The following THSD7B variants were observed in gnomAD, a reference collection of about 807,000 sequenced individuals.
THSD7B encodes the protein thrombospondin type-1 domain-containing protein 7B.
Under a neutral mutation model 213.6 loss-of-function variants are expected in THSD7B, and 138 were observed. The ratio of observed to expected loss-of-function variants is 0.65; its 90% CI spans 0.56 to 0.74. The LOEUF is 0.74. Among genes scored for constraint, THSD7B ranks in the 30% least tolerant of loss-of-function variants. The pLI, the probability that THSD7B is intolerant of heterozygous loss-of-function variation, is 0.00. For missense variants in THSD7B, 1,931 were observed against 1,991.5 expected, an observed-to-expected ratio of 0.97 and a Z score of 0.58; for synonymous variants, 742 against 687.0, an observed-to-expected ratio of 1.08 and a Z score of -1.25.
chr2:137,552,909 A>G (rs906709249), intron 15 of THSD7B, among the ~76,000 whole-genome samples: 7 of 152,122 alleles, frequency 4.6e-5, no homozygotes, highest in Middle Eastern at 3.2e-3. Flanking sequence ...GAAAAGAGAG[A>G]AAGCCTGGAC....
rs577211849 is a variant in THSD7B, at chr2:137,445,685, A to G, written c.2960-5160A>G. ...AATACAGTTAGATAGAAAGAATAAGATCTAGCATTCAATAGCACAATAGGG... is the reference window on the plus strand; with the variant it reads ...AATACAGTTAGATAGAAAGAATAAGGTCTAGCATTCAATAGCACAATAGGG... On this transcript the variant is annotated intron_variant, in intron 14 of 27. Transcript: ENST00000409968. Among the ~76,000 whole-genome samples, 166 of 152,004 alleles carry G rather than the reference A, an allele frequency of 1.1e-3. 4 individuals are homozygous for G. In the South Asian group the frequency reaches 0.028, roughly 26 times the overall value.
intron 21 of THSD7B, among the ~76,000 whole-genome samples, chr2:137,651,159 A>G (rs1683130206): frequency 6.6e-6 from 1 of 152,068 alleles, no homozygotes; most frequent in Non-Finnish European, 1.5e-5. Context: ...TATTAGTTCT[A>G]TGTTAAATGT....
rs564570247 is a variant in THSD7B, at chr2:136,837,291, A to G, written c.-35-44853A>G. 5.3e-5 allele frequency among the ~76,000 whole-genome samples: 8 copies of G among 151,962 alleles called. No individual in the cohort carries two copies. The South Asian group carries it at 1.7e-3, about 32-fold the overall frequency. ...GGCCATTGCCTGTGGCTCTTTATTTATTTTCTACCACTCTCCTTCTGCACT... is the reference window on the plus strand; with the variant it reads ...GGCCATTGCCTGTGGCTCTTTATTTGTTTTCTACCACTCTCCTTCTGCACT... On this transcript the variant is annotated intron_variant, in intron 1 of 27. Transcript: ENST00000409968.
chr2:136,990,089 A>G (rs1397415870), intron 2 of THSD7B, among the ~76,000 whole-genome samples: 1 of 152,234 alleles, frequency 6.6e-6, no homozygotes, highest in Non-Finnish European at 1.5e-5. Context: ...TTCTTAGAGA[A>G]AATATAATGC....
intron 2 of THSD7B, among the ~76,000 whole-genome samples, chr2:136,897,352 T>A (rs1477409825): frequency 6.6e-6 from 1 of 152,078 alleles, no homozygotes; most frequent in Admixed American, 6.6e-5. Context: ...TTCTTCCTTC[T>A]GGTGGGCTCG....
intron 2 of THSD7B, among the ~76,000 whole-genome samples, chr2:136,900,901 T>C (rs1684052039): frequency 6.6e-6 from 1 of 152,184 alleles, no homozygotes; most frequent in Admixed American, 6.5e-5. Context: ...TAGGTGAGTA[T>C]ATGTTTTTAG....
chr2:136,928,111 A>G (rs986520014), intron 2 of THSD7B, among the ~76,000 whole-genome samples: 8 of 152,190 alleles, frequency 5.3e-5, no homozygotes, highest in Admixed American at 2.0e-4. Flanking sequence ...TGAAAATATC[A>G]TAAGTAGAAA....
intron 17 of THSD7B, among the ~76,000 whole-genome samples, chr2:137,590,574 A>C (rs547235913): frequency 6.6e-6 from 1 of 152,198 alleles, no homozygotes; most frequent in South Asian, 2.1e-4. Flanking sequence ...AAAGTCTTTT[A>C]TATTAGACAT....
At chr2:137,374,151 G>GGGGA (rs1685598524) in intron 12 of THSD7B, among the ~76,000 whole-genome samples, 1 of 152,096 alleles carries the variant, frequency 6.6e-6, no homozygotes, top group East Asian at 1.9e-4. Flanking sequence ...TGTGGCATGA[G>GGGGA]GGGAGGGAGG....
intron 21 of THSD7B, among the ~76,000 whole-genome samples, chr2:137,650,561 G>T (rs753474444): frequency 4.6e-5 from 7 of 152,244 alleles, no homozygotes; most frequent in Middle Eastern, 6.8e-3. Flanking sequence ...TTCCAACTTA[G>T]ATGTCCTTTA....
intron 4 of THSD7B, among the ~76,000 whole-genome samples, chr2:137,112,474 C>G (rs1037135243): frequency 6.6e-6 from 1 of 151,996 alleles, no homozygotes; most frequent in Admixed American, 6.6e-5. Flanking sequence ...TTTTTTGTTA[C>G]TTTATATACA....
At chr2:137,232,132 AC>A (rs1432374821) in intron 8 of THSD7B, among the ~76,000 whole-genome samples, 2 of 152,216 alleles carry the variant, frequency 1.3e-5, no homozygotes, top group Non-Finnish European at 2.9e-5. Flanking sequence ...CATTTGGGCC[AC>A]TGAATAAACC....
intron 10 of THSD7B, among the ~76,000 whole-genome samples, chr2:137,250,197 A>G (rs899189603): frequency 3.3e-5 from 5 of 152,196 alleles, no homozygotes; most frequent in Non-Finnish European, 7.3e-5. Flanking sequence ...TAAATTTATA[A>G]TAGCTATAAT....
chr2:137,056,734 A>G lies in THSD7B; in HGVS notation c.454A>G (p.Thr152Ala). Residue 152 changes from threonine (T) to alanine (A), a missense_variant, in exon 3 of 28, where the codon ACT becomes GCT. Transcript: ENST00000409968. ...MVRCIQKLNR[T>A]VVANEICEHF... ...GCGCTGCATTCAGAAGCTGAACCGA[A>G]CTGTGGTTGCAAATGAAATATGCGA... is the stretch of plus-strand genomic sequence containing the variant. The G allele has an allele frequency of 6.2e-7, 1 of 1,614,012 alleles. No individual in the cohort carries two copies. Among genetic ancestry groups the G allele is most frequent in the Non-Finnish European group, 8.5e-7 (1 of 1,179,886 alleles).
chr2:136,943,267 C>G (rs536236986), intron 2 of THSD7B, among the ~76,000 whole-genome samples: 8 of 152,268 alleles, frequency 5.3e-5, no homozygotes, highest in African/African-American at 1.9e-4. Context: ...TGATGTGCTG[C>G]TGGATTCAGT....
chr2:137,452,554 T>A lies in THSD7B; in HGVS notation c.3138+1531T>A, dbSNP rs138595801. 6.2e-4 allele frequency among the ~76,000 whole-genome samples: 95 copies of A among 152,260 alleles called. 1 individual carries two copies. The highest frequency in any genetic ancestry group is 2.2e-3 in the African/African-American group (92 of 41,572). On this transcript the variant is annotated intron_variant, in intron 15 of 27. Coordinates refer to ENST00000409968, the MANE Select transcript of THSD7B (RefSeq NM_001316349.2). ...AGCACTTATAGTTATAAATAATGTA[T>A]GATAATTCTTTTTGTATCTTCCTCA... is the stretch of plus-strand genomic sequence containing the variant.
At chr2:137,395,918 C>G (rs1049272370) in intron 12 of THSD7B, among the ~76,000 whole-genome samples, 3 of 151,394 alleles carry the variant, frequency 2.0e-5, no homozygotes, top group Non-Finnish European at 4.4e-5. Flanking sequence ...AAGAATTTAT[C>G]CATTTCTTCT....
chr2:137,441,749 A>G, intron 14 of THSD7B, among the ~76,000 whole-genome samples: 1 of 152,060 alleles, frequency 6.6e-6, no homozygotes, highest in East Asian at 1.9e-4. Context: ...CCAAAACAGA[A>G]TCTCTCATTT....
At chr2:137,654,860 A>G (rs1558872913) in intron 21 of THSD7B, among the ~76,000 whole-genome samples, 2 of 152,192 alleles carry the variant, frequency 1.3e-5, no homozygotes, top group African/African-American at 4.8e-5. Context: ...ACCCTTTATC[A>G]GGCAGATCGT....
Sources: allele counts gnomAD v4.1 joint callset (sites outside exome capture counted in the v4.1 genomes callset), GRCh38; gene constraint gnomAD v4.1.1; transcripts MANE v1.5; gene names NCBI Gene and HGNC (gene_info 2026-07-23, HGNC 2026-07-21).